The following ATAD2B variants were observed in gnomAD, a reference collection of about 807,000 sequenced individuals.
ATAD2B encodes the protein ATPase family AAA domain containing 2B.
Under a neutral mutation model 167.6 loss-of-function variants are expected in ATAD2B, and 40 were observed. The ratio of observed to expected loss-of-function variants is 0.24; its 90% CI spans 0.19 to 0.31. ATAD2B has a LOEUF of 0.31. Among genes scored for constraint, ATAD2B ranks in the 10% least tolerant of loss-of-function variants. ATAD2B has a pLI of 1.00. For synonymous variants in ATAD2B, 579 were observed against 596.5 expected (o/e 0.97, Z 0.43); for missense variants, 1,242 against 1,757.2 (o/e 0.71, Z 5.24).
chr2:23,678,537 G>A, the ATAD2B span, among the ~76,000 whole-genome samples: 1 of 152,230 alleles, frequency 6.6e-6, no homozygotes, highest in Admixed American at 6.5e-5. Flanking sequence ...GCCAGTCTCT[G>A]CCAATATCAG....
intron 1 of ATAD2B, among the ~76,000 whole-genome samples, chr2:23,926,257 G>A (rs997164613): frequency 1.3e-5 from 2 of 152,184 alleles, no homozygotes; most frequent in Admixed American, 6.5e-5. Flanking sequence ...CCCCTCTGGG[G>A]CAGGACAAGG....
chr2:23,885,939 C>A, intron 4 of ATAD2B, 110 bp from the exon 5 acceptor site: 1 of 620,604 alleles, frequency 1.6e-6, no homozygotes, highest in Non-Finnish European at 2.7e-6. Context: ...CTACACACAA[C>A]TTTTTTTTCT....
At chr2:23,720,955 A>T in the ATAD2B span, among the ~76,000 whole-genome samples, 1 of 149,638 alleles carries the variant, frequency 6.7e-6, no homozygotes, top group Non-Finnish European at 1.5e-5. Flanking sequence ...TAGCCACTGC[A>T]CCTCTCCAGC....
chr2:23,870,654 C>A (rs1323245195), intron 8 of ATAD2B, among the ~76,000 whole-genome samples: 6 of 49,110 alleles, frequency 1.2e-4, no homozygotes, highest in Admixed American at 1.2e-3. Context: ...ACATTAGAAT[C>A]TCAGAAAAAA....
At chr2:23,842,242 C>T (rs188442006) in intron 13 of ATAD2B, among the ~76,000 whole-genome samples, 6 of 151,994 alleles carry the variant, frequency 3.9e-5, no homozygotes, top group African/African-American at 1.4e-4. Context: ...TTCTATTTTC[C>T]CCCACTAATA....
At chr2:23,860,759 T>C (rs977168614) in intron 12 of ATAD2B, among the ~76,000 whole-genome samples, 3 of 151,978 alleles carry the variant, frequency 2.0e-5, no homozygotes, top group Admixed American at 2.0e-4. Context: ...TCACCTGAGG[T>C]CAGGAGTTCC....
chr2:23,691,703 G>C, the ATAD2B span: 1 of 1,551,776 alleles, frequency 6.4e-7, no homozygotes. Context: ...CAGGGCGGCC[G>C]GGAGAAGCTG....
chr2:23,817,020 A>G (rs770207316), intron 17 of ATAD2B, among the ~76,000 whole-genome samples: 1 of 152,218 alleles, frequency 6.6e-6, no homozygotes, highest in African/African-American at 2.4e-5. Context: ...TTTCTTCTGC[A>G]TTGATCTGTA....
At chr2:23,827,644 A>G (rs1228196915) in intron 15 of ATAD2B, among the ~76,000 whole-genome samples, 1 of 152,202 alleles carries the variant, frequency 6.6e-6, no homozygotes, top group Non-Finnish European at 1.5e-5. Context: ...AAAAGACTGG[A>G]TTTTATACCA....
chr2:23,813,039 C>G (rs1685854347), intron 17 of ATAD2B, among the ~76,000 whole-genome samples: 1 of 151,966 alleles, frequency 6.6e-6, no homozygotes, highest in Non-Finnish European at 1.5e-5. Flanking sequence ...TGGAAGAGTT[C>G]AAATTGTCAT....
At chr2:23,851,313 G>A (rs931833978) in intron 13 of ATAD2B, among the ~76,000 whole-genome samples, 2 of 151,992 alleles carry the variant, frequency 1.3e-5, no homozygotes, top group African/African-American at 4.8e-5. Flanking sequence ...ACTAATTTTT[G>A]TACTTTTAGT....
intron 23 of ATAD2B, among the ~76,000 whole-genome samples, chr2:23,764,538 C>T (rs1331501689): frequency 6.6e-6 from 1 of 152,088 alleles, no homozygotes; most frequent in African/African-American, 2.4e-5. Context: ...TGTTTTATAC[C>T]AGATGGGGTT....
At chr2:23,698,510 G>A in the ATAD2B span, among the ~76,000 whole-genome samples, 1 of 152,166 alleles carries the variant, frequency 6.6e-6, no homozygotes, top group East Asian at 1.9e-4. Context: ...TCCCCAGGAA[G>A]CACTAATGGT....
At chr2:23,781,596 C>T (rs573300975) in intron 22 of ATAD2B, among the ~76,000 whole-genome samples, 2 of 151,898 alleles carry the variant, frequency 1.3e-5, no homozygotes, top group East Asian at 3.9e-4. Context: ...ACCCAGGAGG[C>T]GGAGGTTGCA....
At chr2:23,835,346 G>C (rs939254397) in intron 13 of ATAD2B, among the ~76,000 whole-genome samples, 2 of 152,126 alleles carry the variant, frequency 1.3e-5, no homozygotes, top group Non-Finnish European at 2.9e-5. Context: ...AATAAACGAA[G>C]TACCAACAGC....
chr2:23,880,811 T>C (rs1697767929), intron 6 of ATAD2B, 56 bp from the exon 7 acceptor site: 3 of 1,047,384 alleles, frequency 2.9e-6, no homozygotes, highest in Non-Finnish European at 4.3e-6. Context: ...TTCAAAAGGA[T>C]TGGTCTACTC....
In ATAD2B at chr2:23,926,590, T is replaced by G; in HGVS notation, c.181A>C (p.Ser61Arg). ...ASCPAAKAGG[S>R]GGAGVTLDEA... is the part of the protein sequence containing the mutation. ...TCCAGAGTGACGCCGGCGCCACCGC[T>G]TCCCCCGGCTTTGGCGGCGGGGCAG... The change falls in exon 1 of 28, where the codon AGC (serine) becomes CGC (arginine). Residue 61 changes from serine to arginine, a missense_variant. By Grantham distance (110) the Ser-to-Arg change is moderately radical. Transcript: ENST00000238789. 6.4e-7 allele frequency: 1 copy of G among 1,558,992 alleles called. No individual in the cohort carries two copies.
the ATAD2B span, among the ~76,000 whole-genome samples, chr2:23,740,741 A>G: frequency 6.6e-6 from 1 of 152,236 alleles, no homozygotes; most frequent in Admixed American, 6.5e-5. Context: ...GCATTCGATT[A>G]GGAAAAGAGG....
chr2:23,897,992 G>C (rs1700347820), intron 1 of ATAD2B, among the ~76,000 whole-genome samples: 1 of 152,074 alleles, frequency 6.6e-6, no homozygotes, highest in Non-Finnish European at 1.5e-5. Flanking sequence ...TTTTGAGACA[G>C]AGTCTCAATC....
Sources: allele counts gnomAD v4.1 joint callset (sites outside exome capture counted in the v4.1 genomes callset), GRCh38; gene constraint gnomAD v4.1.1; transcripts MANE v1.5; gene names NCBI Gene and HGNC (gene_info 2026-07-23, HGNC 2026-07-21).